The following USP34 variants were observed in gnomAD, a reference collection of about 807,000 sequenced individuals.
USP34 encodes the protein ubiquitin specific peptidase 34, also known as ubiquitin carboxyl-terminal hydrolase 34.
USP34 carries 70 observed loss-of-function variants against 460.3 expected under a neutral mutation model. The observed-to-expected ratio is 0.15, with a 90% CI of 0.13 to 0.19. USP34 has a LOEUF of 0.19. Ranked by LOEUF, USP34 falls within the 10% of genes least tolerant of loss-of-function variation. The pLI is 1.00. For synonymous variants in USP34, 1,647 were observed against 1,405.3 expected, an observed-to-expected ratio of 1.17 and a Z score of -3.85; for missense variants, 3,985 against 4,236.2, an observed-to-expected ratio of 0.94 and a Z score of 1.65.
intron 1 of USP34, among the ~76,000 whole-genome samples, chr2:61,422,198 C>A (rs1694382659): frequency 1.3e-5 from 2 of 152,200 alleles, no homozygotes; most frequent in Admixed American, 1.3e-4. Context: ...AAAACAACCT[C>A]TTGCATTGTA....
intron 8 of USP34, among the ~76,000 whole-genome samples, chr2:61,378,116 T>A (rs1000385973): frequency 2.6e-5 from 4 of 152,104 alleles, no homozygotes; most frequent in African/African-American, 4.8e-5. Flanking sequence ...GAGGCTGTAG[T>A]GAGCCATGGT....
At chr2:61,188,820 G>C in intron 79 of USP34, 90 bp downstream of exon 79, 5 of 1,574,554 alleles carry the variant, frequency 3.2e-6, no homozygotes, top group Non-Finnish European at 4.3e-6. Context: ...AGGAGGTTCA[G>C]CTGAACACAC....
At position 61,257,094 on chromosome 2, in the gene USP34, T is replaced by G. The variant is rs1189383790; in HGVS notation, c.6006A>C (p.Lys2002Asn). ...TTGTAATTACACCTCCAAATAAACT[T>G]TTGACGGTATTTTTCTTTAATATAA... ...EMSPELKNTV[K>N]SLFGGVITNN... The change falls in exon 46 of 80, where the codon AAA becomes AAC. Residue 2002 changes from lysine to asparagine, a missense_variant. Lys to Asn is a moderately conservative substitution (Grantham distance 94). This residue lies in a region of USP34 where 145 missense variants were observed against 291.6 expected (regional missense o/e 0.50). Coordinates refer to ENST00000398571, the MANE Select transcript of USP34 (RefSeq NM_014709.4). 1 of 1,581,914 alleles carries G rather than the reference T, an allele frequency of 6.3e-7. No homozygotes were observed. Among genetic ancestry groups the G allele is most frequent in the African/African-American group, 1.4e-5 (1 of 73,186 alleles).
At chr2:61,241,705 C>G in intron 52 of USP34, 50 bp from the exon 53 acceptor site, 1 of 1,523,226 alleles carries the variant, frequency 6.6e-7, no homozygotes, top group Non-Finnish European at 8.9e-7. Context: ...AAGTATTACT[C>G]TAAAAGTAGA....
At chr2:61,248,473 CAAT>C (rs1415049675) in intron 49 of USP34, 35 bp downstream of exon 49, 2 of 1,505,974 alleles carry the variant, frequency 1.3e-6, no homozygotes, top group Admixed American at 2.1e-5. Flanking sequence ...TGGAGATTGA[CAAT>C]AATCACAGAC....
intron 10 of USP34, among the ~76,000 whole-genome samples, chr2:61,353,389 C>T (rs943986417): frequency 2.0e-5 from 3 of 149,178 alleles, no homozygotes; most frequent in African/African-American, 5.0e-5. Context: ...ACTTCCTAGA[C>T]GAATGTTTTT....
chr2:61,196,069 A>AC (rs1686795624), intron 75 of USP34, among the ~76,000 whole-genome samples: 1 of 41,576 alleles, frequency 2.4e-5, no homozygotes, highest in East Asian at 9.3e-4. Context: ...ACCATGCACG[A>AC]TTTTTTTTTT....
rs927212231 is a variant in USP34 at position 61,375,618 on chromosome 2, A to C, written c.1076+2745T>G. On this transcript the variant is annotated intron_variant, in intron 8 of 79. Transcript: ENST00000398571. ...CCCCGTCTCTACTAAAAATACAAAA[A>C]ATTAGCCGGAAGTGGTGGCGGGTGC... Among the ~76,000 whole-genome samples the C allele has an allele frequency of 5.9e-5, 9 of 151,924 alleles. No individual in the cohort carries two copies. The East Asian group carries it at 9.7e-4, about 16-fold the overall frequency.
chr2:61,352,251 C>T (rs541489027), intron 10 of USP34, among the ~76,000 whole-genome samples: 3 of 152,096 alleles, frequency 2.0e-5, no homozygotes, highest in Non-Finnish European at 2.9e-5. Context: ...TTTTTGCCAA[C>T]AAGTAACTCT....
intron 48 of USP34, among the ~76,000 whole-genome samples, chr2:61,252,152 CAG>C (rs1171333036): frequency 6.6e-6 from 1 of 152,096 alleles, no homozygotes; most frequent in Non-Finnish European, 1.5e-5. Flanking sequence ...GTCTTTGGTT[CAG>C]AGTTTTCCTT....
chr2:61,403,254 T>G (rs1003550248), intron 3 of USP34, among the ~76,000 whole-genome samples: 1 of 152,068 alleles, frequency 6.6e-6, no homozygotes, highest in African/African-American at 2.4e-5. Context: ...ATGCCTACAT[T>G]TAGAGATTAC....
Position 61,241,758 on chromosome 2 carries a change from AT to A in USP34, c.6681+7del, listed in dbSNP as rs767649621. 4 of 1,519,286 alleles carry A rather than the reference AT, an allele frequency of 2.6e-6. No homozygotes were observed. In the South Asian group the frequency reaches 5.0e-5, roughly 19 times the overall value. 94.1% of individuals were successfully genotyped at this position (1,519,286 alleles called of 1,614,324 possible). A position where few individuals can be genotyped will look rare whatever the true frequency, so the allele number is the denominator to read the frequency against. ...CAATATAAAATTATACATGAAAAAA[AT>A]GGTTACCTTTTCAAAAGAGAAGTCC... On this transcript the variant is annotated splice_region_variant and intron_variant, in intron 52 of 79. Coordinates refer to ENST00000398571, the MANE Select transcript of USP34 (RefSeq NM_014709.4).
chr2:61,210,076 TATAAA>T (rs571716234), intron 69 of USP34, among the ~76,000 whole-genome samples: 2 of 152,204 alleles, frequency 1.3e-5, no homozygotes, highest in Non-Finnish European at 1.5e-5. Context: ...TAAAAAAACT[TATAAA>T]GTAAAAAAAG....
chr2:61,215,309 T>C (rs965734144), intron 67 of USP34, among the ~76,000 whole-genome samples: 1 of 152,162 alleles, frequency 6.6e-6, no homozygotes, highest in African/African-American at 2.4e-5. Flanking sequence ...GGGTGTTAAA[T>C]TGTAACCAGA....
chr2:61,209,558 G>A (rs1445744901), intron 69 of USP34, among the ~76,000 whole-genome samples: 5 of 152,184 alleles, frequency 3.3e-5, no homozygotes, highest in Non-Finnish European at 5.9e-5. Flanking sequence ...TTACCCACAT[G>A]TCTCTGATGA....
At chr2:61,227,383 C>G (rs1687756830) in intron 61 of USP34, among the ~76,000 whole-genome samples, 165 bp from the exon 62 acceptor site, 1 of 152,128 alleles carries the variant, frequency 6.6e-6, no homozygotes, top group Non-Finnish European at 1.5e-5. Flanking sequence ...AAACCACATT[C>G]AGGACAATCT....
chr2:61,197,465 T>C (rs1289689871), intron 75 of USP34, among the ~76,000 whole-genome samples: 3 of 152,216 alleles, frequency 2.0e-5, no homozygotes, highest in African/African-American at 4.8e-5. Flanking sequence ...TAGTTAAGAC[T>C]GTAGTCTACC....
intron 48 of USP34, 85 bp from the exon 49 acceptor site, chr2:61,248,768 A>T: frequency 7.8e-7 from 1 of 1,274,586 alleles, no homozygotes; most frequent in African/African-American, 1.5e-5. Context: ...TATCCATTTC[A>T]ATTTTCAACT....
intron 48 of USP34, among the ~76,000 whole-genome samples, chr2:61,252,327 T>C (rs1025254060): frequency 1.3e-5 from 2 of 152,196 alleles, no homozygotes; most frequent in Admixed American, 6.5e-5. Flanking sequence ...GATACTATCT[T>C]TGAAACACTG....
Sources: allele counts gnomAD v4.1 joint callset (sites outside exome capture counted in the v4.1 genomes callset), GRCh38; gene constraint gnomAD v4.1.1; regional missense constraint gnomAD v4.1.1; transcripts MANE v1.5; gene names NCBI Gene and HGNC (gene_info 2026-07-23, HGNC 2026-07-21).